WWP1: variants seen among roughly 807,000 people sequenced by gnomAD.
WWP1 encodes the protein WW domain containing E3 ubiquitin protein ligase 1, also known as NEDD4-like E3 ubiquitin-protein ligase WWP1.
A neutral mutation model predicts 130.6 loss-of-function variants in WWP1; 49 were observed. The observed-to-expected ratio is 0.38, with a 90% confidence interval of 0.30 to 0.48. WWP1 has a LOEUF of 0.48. Ranked by LOEUF, WWP1 falls within the 20% of genes least tolerant of loss-of-function variation. The pLI, the probability that WWP1 is intolerant of heterozygous loss-of-function variation, is 0.99. For synonymous variants in WWP1, 332 were observed against 367.8 expected (o/e 0.90, Z 1.11); for missense variants, 809 against 1,100.6 (o/e 0.74, Z 3.75).
intron 18 of WWP1, among the ~76,000 whole-genome samples, chr8:86,446,068 G>T (rs1167536039): frequency 2.2e-5 from 3 of 135,706 alleles, no homozygotes; most frequent in Admixed American, 1.7e-4. Context: ...TGCAACCTCT[G>T]CCTCCTGGGT....
intron 11 of WWP1, 21 bp downstream of exon 11, chr8:86,427,838 T>TGTTA (rs1563523606): frequency 5.0e-6 from 8 of 1,584,284 alleles, no homozygotes; most frequent in Non-Finnish European, 6.9e-6. Context: ...AATTGTAAGA[T>TGTTA]GTTAACATAA....
chr8:86,462,066 T>C (rs1282034418), intron 24 of WWP1, among the ~76,000 whole-genome samples: 2 of 152,232 alleles, frequency 1.3e-5, no homozygotes, highest in Non-Finnish European at 2.9e-5. Flanking sequence ...CAACAAGTAT[T>C]AGTGTACCCA....
chr8:86,424,984 C>G (rs979445765), intron 9 of WWP1, among the ~76,000 whole-genome samples: 4 of 151,910 alleles, frequency 2.6e-5, no homozygotes, highest in African/African-American at 9.7e-5. Flanking sequence ...GCTAACTATA[C>G]TTTGAGTTTC....
chr8:86,390,496 C>G (rs1807244573), intron 5 of WWP1, among the ~76,000 whole-genome samples: 1 of 152,164 alleles, frequency 6.6e-6, no homozygotes, highest in East Asian at 1.9e-4. Context: ...AGCTGGAGAC[C>G]AGCCCGTCCA....
At chr8:86,381,445 C>T in intron 4 of WWP1, 60 bp from the exon 5 acceptor site, 3 of 1,537,238 alleles carry the variant, frequency 2.0e-6, no homozygotes, top group East Asian at 2.4e-5. Context: ...GGAATTGTTA[C>T]TTATTAATAG....
chr8:86,409,307 C>T (rs1353511582), intron 8 of WWP1, among the ~76,000 whole-genome samples: 1 of 139,524 alleles, frequency 7.2e-6, no homozygotes, highest in Non-Finnish European at 1.5e-5. Flanking sequence ...GATCCTGGCT[C>T]ACTGCAACCT....
At chr8:86,362,866 C>CA (rs1177817614) in intron 1 of WWP1, among the ~76,000 whole-genome samples, 59 of 152,228 alleles carry the variant, frequency 3.9e-4, no homozygotes, top group African/African-American at 1.4e-3. Flanking sequence ...TTAGAATTAA[C>CA]AGATACAAAT....
At chr8:86,448,039 C>T in intron 18 of WWP1, 109 bp from the exon 19 acceptor site, 1 of 939,120 alleles carries the variant, frequency 1.1e-6, no homozygotes, top group Non-Finnish European at 1.6e-6. Flanking sequence ...CATTCACTTA[C>T]TGAATGCTTT....
intron 21 of WWP1, 65 bp from the exon 22 acceptor site, chr8:86,457,856 T>C (rs1455270594): frequency 1.4e-6 from 2 of 1,478,380 alleles, no homozygotes. Context: ...TTAGGAAATT[T>C]CAGTCATATA....
At chr8:86,373,923 A>T in intron 2 of WWP1, 107 bp from the exon 3 acceptor site, 1 of 781,402 alleles carries the variant, frequency 1.3e-6, no homozygotes, top group Non-Finnish European at 2.0e-6. Context: ...GATAATTTTC[A>T]TGTACTTTTT....
At chr8:86,431,839 T>C in intron 14 of WWP1, 96 bp downstream of exon 14, 1 of 1,535,186 alleles carries the variant, frequency 6.5e-7, no homozygotes, top group Non-Finnish European at 8.8e-7. Flanking sequence ...AACATTTTAC[T>C]TTTTGGTTCA....
chr8:86,430,577 C>G, intron 11 of WWP1, 120 bp from the exon 12 acceptor site: 1 of 730,408 alleles, frequency 1.4e-6, no homozygotes, highest in African/African-American at 1.9e-5. Context: ...GCGCCCAACC[C>G]CTTATCATAT....
chr8:86,398,110 TATTTATATGTTCTCCAAA>T (rs1309602775), intron 5 of WWP1, among the ~76,000 whole-genome samples: 2 of 152,204 alleles, frequency 1.3e-5, no homozygotes, highest in African/African-American at 4.8e-5. Flanking sequence ...TATTTAAATG[TATTTATATGTTCTCCAAA>T]ATTTATAATA....
Position 86,448,160 on chromosome 8 carries a change from G to C in WWP1, c.2011G>C (p.Gly671Arg). The change falls in exon 19 of 25, where the codon GGA (glycine) becomes CGA (arginine). Residue 671 changes from glycine to arginine, a missense_variant. Physicochemically the swap from Gly to Arg is moderately radical, Grantham distance 125 (BLOSUM62 -2). This residue lies in a region of WWP1 where 450 missense variants were observed against 674.2 expected (regional missense o/e 0.67). Transcript: ENST00000517970. ...TTTTTCTTTGCAGGCACTATTTCATGGAAAGTTTATCGATACTGGTTTCTC... is the reference window on the plus strand; with the variant it reads ...TTTTTCTTTGCAGGCACTATTTCATCGAAAGTTTATCGATACTGGTTTCTC... ...GRFIAMALFH[G>R]KFIDTGFSLP... 6.4e-7 allele frequency: 1 copy of C among 1,553,932 alleles called. No homozygotes were observed. Among genetic ancestry groups the C allele is most frequent in the Non-Finnish European group, 8.6e-7 (1 of 1,163,698 alleles).
intron 9 of WWP1, among the ~76,000 whole-genome samples, chr8:86,412,879 A>G (rs950224889): frequency 1.3e-5 from 2 of 152,072 alleles, no homozygotes; most frequent in African/African-American, 4.8e-5. Flanking sequence ...GCCAGGCTAG[A>G]GTGCAATGGC....
At chr8:86,380,433 T>C (rs1308023608) in intron 3 of WWP1, among the ~76,000 whole-genome samples, 2 of 152,164 alleles carry the variant, frequency 1.3e-5, no homozygotes, top group Non-Finnish European at 2.9e-5. Flanking sequence ...CAAAACTGTT[T>C]TAAAATTGAT....
chr8:86,355,184 T>G (rs1448005878), intron 1 of WWP1, among the ~76,000 whole-genome samples: 2 of 152,178 alleles, frequency 1.3e-5, no homozygotes, highest in Non-Finnish European at 2.9e-5. Flanking sequence ...GCTGATAAAT[T>G]AGAATTCTTA....
At chr8:86,427,363 G>A (rs1020892707) in intron 10 of WWP1, among the ~76,000 whole-genome samples, 6 of 151,558 alleles carry the variant, frequency 4.0e-5, no homozygotes, top group Middle Eastern at 3.4e-3. Flanking sequence ...AAACCTGCAC[G>A]TTCTACACAT....
At chr8:86,436,874 G>A (rs968683331) in intron 16 of WWP1, among the ~76,000 whole-genome samples, 3 of 151,914 alleles carry the variant, frequency 2.0e-5, no homozygotes, top group Non-Finnish European at 4.4e-5. Flanking sequence ...GATACTCTGA[G>A]CCCCAAGAGA....
Sources: gnomAD v4.1 joint callset for allele counts (sites outside exome capture counted in the v4.1 genomes callset) on GRCh38, gnomAD v4.1.1 for gene constraint, gnomAD v4.1.1 regional missense constraint, MANE v1.5 for transcripts, NCBI Gene and HGNC (gene_info 2026-07-23, HGNC 2026-07-21) for gene names.